RGS6: variants seen among roughly 807,000 people sequenced by gnomAD.
The protein encoded by RGS6 is regulator of G-protein signaling 6.
Under a neutral mutation model 78.5 loss-of-function variants are expected in RGS6, and 30 were observed. That is an observed-to-expected ratio of 0.38 (90% CI 0.29 to 0.52). The LOEUF (loss-of-function observed/expected upper bound fraction) is 0.52. Ranked by LOEUF, RGS6 falls within the 20% of genes least tolerant of loss-of-function variation. RGS6 has a pLI of 0.85. For missense variants in RGS6, 495 were observed against 609.7 expected (o/e 0.81, Z 1.98); for synonymous variants, 206 against 206.0 (o/e 1.00, Z 0.00).
chr14:71,961,915 C>T (rs144284076), intron 1 of RGS6, among the ~76,000 whole-genome samples: 24 of 152,256 alleles, frequency 1.6e-4, no homozygotes, highest in African/African-American at 5.1e-4. Flanking sequence ...TTACATCATA[C>T]TATAATGAAT....
At chr14:72,370,161 A>G (rs1566648794) in intron 3 of RGS6, among the ~76,000 whole-genome samples, 1 of 151,966 alleles carries the variant, frequency 6.6e-6, no homozygotes, top group Non-Finnish European at 1.5e-5. Context: ...AAAAAAAAAA[A>G]AAATTCACTT....
chr14:72,357,363 G>C (rs2080538780), intron 3 of RGS6, among the ~76,000 whole-genome samples: 1 of 152,148 alleles, frequency 6.6e-6, no homozygotes, highest in East Asian at 1.9e-4. Flanking sequence ...CAAGAATATG[G>C]GGGAAAGTTT....
the RGS6 span, among the ~76,000 whole-genome samples, chr14:71,902,655 A>G: frequency 6.6e-6 from 1 of 152,216 alleles, no homozygotes; most frequent in African/African-American, 2.4e-5. Flanking sequence ...CAAAATGGAT[A>G]TAGTTAGAGA....
intron 2 of RGS6, among the ~76,000 whole-genome samples, chr14:72,295,792 G>A (rs1423660793): frequency 6.6e-6 from 1 of 152,196 alleles, no homozygotes; most frequent in Non-Finnish European, 1.5e-5. Flanking sequence ...ACTGCTATTA[G>A]CGTTTGTTAC....
intron 13 of RGS6, among the ~76,000 whole-genome samples, chr14:72,496,572 A>G (rs1319114258): frequency 6.6e-6 from 1 of 152,250 alleles, no homozygotes. Flanking sequence ...TTTAAGAATG[A>G]AAACAAAATT....
chr14:72,559,309 C>T (rs2097637296), intron 17 of RGS6, among the ~76,000 whole-genome samples: 1 of 152,222 alleles, frequency 6.6e-6, no homozygotes, highest in South Asian at 2.1e-4. Flanking sequence ...TCACTTTGAT[C>T]ACTGAAAACT....
chr14:72,200,738 C>T lies in RGS6; in HGVS notation c.85-151357C>T, dbSNP rs891633821. On this transcript the variant is annotated intron_variant, in intron 2 of 17. Coordinates refer to ENST00000553525, the MANE Select transcript of RGS6 (RefSeq NM_001204424.2). Reference sequence around the variant, plus strand: ...TATTTGTTAAATGTCTGGGGGATTCCAGATACTTAACAAATAATCTTTCAA... The same window carrying T: ...TATTTGTTAAATGTCTGGGGGATTCTAGATACTTAACAAATAATCTTTCAA... Among the ~76,000 whole-genome samples, 4 of 152,052 alleles carry T rather than the reference C, an allele frequency of 2.6e-5. No individual in the cohort carries two copies. In the East Asian group the frequency reaches 7.7e-4, roughly 29 times the overall value.
intron 2 of RGS6, among the ~76,000 whole-genome samples, chr14:72,071,551 T>G (rs762997055): frequency 2.0e-5 from 3 of 152,254 alleles, no homozygotes; most frequent in Non-Finnish European, 2.9e-5. Context: ...TCCATGTCCT[T>G]ACCAATTCTT....
intron 2 of RGS6, among the ~76,000 whole-genome samples, chr14:72,052,045 G>A (rs964841785): frequency 6.6e-6 from 1 of 152,158 alleles, no homozygotes; most frequent in Non-Finnish European, 1.5e-5. Flanking sequence ...AGGTGGGACA[G>A]TGAATAGAAA....
chr14:72,581,562 G>T, the RGS6 span, among the ~76,000 whole-genome samples: 1 of 152,148 alleles, frequency 6.6e-6, no homozygotes, highest in Admixed American at 6.5e-5. Context: ...GTTGCCCTTA[G>T]GATGTGTGTC....
chr14:72,413,777 C>G (rs2093606066), intron 3 of RGS6, among the ~76,000 whole-genome samples: 1 of 152,194 alleles, frequency 6.6e-6, no homozygotes. Flanking sequence ...GTGACAAAAT[C>G]TCTCAGCATT....
chr14:72,454,816 A>G (rs903383737), intron 4 of RGS6, among the ~76,000 whole-genome samples: 2 of 152,242 alleles, frequency 1.3e-5, no homozygotes, highest in Admixed American at 6.5e-5. Context: ...AAAGAGCCCA[A>G]TACAATAATG....
chr14:71,875,939 A>G, the RGS6 span, among the ~76,000 whole-genome samples: 1 of 152,256 alleles, frequency 6.6e-6, no homozygotes, highest in South Asian at 2.1e-4. Flanking sequence ...TTCAGTTTCC[A>G]TGTAGTTGAG....
intron 16 of RGS6, 147 bp from the exon 17 acceptor site, chr14:72,539,894 C>G (rs921632738): frequency 6.0e-6 from 4 of 663,992 alleles, no homozygotes; most frequent in Non-Finnish European, 7.4e-6. Context: ...ACAGCTCTGG[C>G]TGCTTCTCTT....
intron 2 of RGS6, among the ~76,000 whole-genome samples, chr14:72,066,330 A>G (rs774629138): frequency 5.9e-5 from 9 of 152,066 alleles, no homozygotes; most frequent in Non-Finnish European, 1.2e-4. Context: ...GCTTTTTCTA[A>G]AGGTTTTTAC....
At chr14:72,567,775 C>T (rs1250654843), downstream of RGS6, among the ~76,000 whole-genome samples, 1 of 152,180 alleles carries the variant, frequency 6.6e-6, no homozygotes, top group Non-Finnish European at 1.5e-5. Context: ...AGAGGCATAT[C>T]CCCTCCTGGG....
At chr14:72,081,915 T>G (rs2094842782) in intron 2 of RGS6, among the ~76,000 whole-genome samples, 1 of 152,234 alleles carries the variant, frequency 6.6e-6, no homozygotes, top group African/African-American at 2.4e-5. Context: ...CGGAAAGTTC[T>G]CATTTAGCCC....
intron 2 of RGS6, among the ~76,000 whole-genome samples, chr14:72,139,388 G>C (rs934146354): frequency 6.6e-6 from 1 of 152,190 alleles, no homozygotes; most frequent in African/African-American, 2.4e-5. Flanking sequence ...GTCTAATTCA[G>C]TCACTTAATG....
rs140941925 is a variant in RGS6 at position 72,459,791 on chromosome 14, G to C, written c.394+108G>C. 1.4e-3 allele frequency: 1,559 copies of C among 1,082,884 alleles called. 20 individuals carry two copies. In the African/African-American group the frequency reaches 0.018, roughly 12 times the overall value. The allele number at this position is 1,082,884 out of a possible 1,614,324, so 67.1% of individuals were successfully genotyped here. Reference sequence around the variant, plus strand: ...GGCCATGGTGGTACATGGGGAGGAGGGTCCTTTCTGCTTAGTCCTTTCTCA... The same window carrying C: ...GGCCATGGTGGTACATGGGGAGGAGCGTCCTTTCTGCTTAGTCCTTTCTCA... On this transcript the variant is annotated intron_variant, in intron 6 of 17. Transcript: ENST00000553525.
Sources: gnomAD v4.1 joint callset for allele counts (sites outside exome capture counted in the v4.1 genomes callset) on GRCh38, gnomAD v4.1.1 for gene constraint, MANE v1.5 for transcripts, NCBI Gene and HGNC (gene_info 2026-07-23, HGNC 2026-07-21) for gene names.